The following GRIA1 variants were observed in gnomAD, a reference collection of about 807,000 sequenced individuals.
GRIA1 encodes glutamate ionotropic receptor AMPA type subunit 1, also known as glutamate receptor 1.
In GRIA1, 31 loss-of-function variants were observed where a neutral mutation model predicts 99.2. That is an observed-to-expected ratio of 0.31 (90% CI 0.23 to 0.42). GRIA1 has a LOEUF of 0.42. Ranked by LOEUF, GRIA1 falls within the 10% of genes least tolerant of loss-of-function variation. The probability of loss-of-function intolerance (pLI) is 1.00; values close to 1 mark genes in which losing one functional copy is unlikely to be tolerated. For synonymous variants in GRIA1, 438 were observed against 432.4 expected, an observed-to-expected ratio of 1.01 and a Z score of -0.16; for missense variants, 782 against 1,157.5, an observed-to-expected ratio of 0.68 and a Z score of 4.71.
intron 2 of GRIA1, among the ~76,000 whole-genome samples, chr5:153,494,546 A>G (rs1277901399): frequency 6.6e-6 from 1 of 152,208 alleles, no homozygotes; most frequent in African/African-American, 2.4e-5. Flanking sequence ...TTCGGAAGTG[A>G]CCAATAATTA....
At chr5:153,613,299 A>G (rs1238634310) in intron 2 of GRIA1, among the ~76,000 whole-genome samples, 1 of 152,180 alleles carries the variant, frequency 6.6e-6, no homozygotes, top group Non-Finnish European at 1.5e-5. Context: ...TTTTATATCC[A>G]GTAATCATGC....
intron 13 of GRIA1, among the ~76,000 whole-genome samples, chr5:153,776,289 C>A (rs1764248660): frequency 6.6e-6 from 1 of 152,156 alleles, no homozygotes; most frequent in Non-Finnish European, 1.5e-5. Context: ...CACTTTAAAG[C>A]TGGGAGGTTT....
intron 4 of GRIA1, among the ~76,000 whole-genome samples, chr5:153,653,937 G>A (rs1754753938): frequency 6.6e-6 from 1 of 152,210 alleles, no homozygotes; most frequent in Non-Finnish European, 1.5e-5. Context: ...CACAAATATT[G>A]TGAATGAAGG....
Position 153,640,153 on chromosome 5 carries a change from A to G in GRIA1, c.221-6775A>G, listed in dbSNP as rs189259287. Among the ~76,000 whole-genome samples, 60 of 152,356 alleles carry G rather than the reference A, an allele frequency of 3.9e-4. 1 individual carries two copies. The highest frequency in any genetic ancestry group is 2.1e-3 in the South Asian group (10 of 4,822). On this transcript the variant is annotated intron_variant, in intron 2 of 15. Transcript: ENST00000285900. Reference sequence around the variant, plus strand: ...TCTAAATTCCAGGACCAGTGAGCCCAGCCCTGTTCTAATTCTTAGCCTCGT... The same window carrying G: ...TCTAAATTCCAGGACCAGTGAGCCCGGCCCTGTTCTAATTCTTAGCCTCGT...
chr5:153,540,297 T>G (rs1378641346), intron 2 of GRIA1, among the ~76,000 whole-genome samples: 1 of 152,236 alleles, frequency 6.6e-6, no homozygotes, highest in Non-Finnish European at 1.5e-5. Flanking sequence ...CTTCTATGAA[T>G]GCTAAGTGGG....
At chr5:153,516,334 C>T (rs2113344408) in intron 2 of GRIA1, among the ~76,000 whole-genome samples, 1 of 151,612 alleles carries the variant, frequency 6.6e-6, no homozygotes, top group Middle Eastern at 3.4e-3. Flanking sequence ...AGTTGCCAGA[C>T]CCATGCTTGG....
At chr5:153,616,107 T>C (rs1013589121) in intron 2 of GRIA1, among the ~76,000 whole-genome samples, 4 of 152,160 alleles carry the variant, frequency 2.6e-5, no homozygotes, top group Non-Finnish European at 5.9e-5. Context: ...CCTGCCACAG[T>C]CCTGTCATTC....
At chr5:153,808,327 C>A (rs544728730) in intron 15 of GRIA1, among the ~76,000 whole-genome samples, 1 of 152,040 alleles carries the variant, frequency 6.6e-6, no homozygotes, top group African/African-American at 2.4e-5. Flanking sequence ...AAGGGAAAGC[C>A]ACATTCCCAA....
chr5:153,678,815 G>A (rs578174381), intron 7 of GRIA1, among the ~76,000 whole-genome samples: 3 of 152,310 alleles, frequency 2.0e-5, no homozygotes, highest in East Asian at 1.9e-4. Flanking sequence ...TGGGAGGCAG[G>A]AGAGCTGGAC....
intron 5 of GRIA1, 57 bp downstream of exon 5, chr5:153,655,929 C>A (rs1478532015): frequency 6.9e-6 from 10 of 1,458,114 alleles, no homozygotes; most frequent in Non-Finnish European, 9.6e-6. Context: ...GGGGCCCTAC[C>A]TTGCTTCTGT....
At chr5:153,689,090 A>T (rs901018461) in intron 8 of GRIA1, among the ~76,000 whole-genome samples, 4 of 151,162 alleles carry the variant, frequency 2.6e-5, no homozygotes, top group African/African-American at 7.3e-5. Context: ...GTGCAGTGGT[A>T]CTATCATAGC....
chr5:153,735,818 C>A (rs1761341378), intron 11 of GRIA1, among the ~76,000 whole-genome samples: 1 of 152,106 alleles, frequency 6.6e-6, no homozygotes, highest in Non-Finnish European at 1.5e-5. Context: ...TGTTTTAGGT[C>A]TCAGTAATGC....
At chr5:153,618,964 A>T (rs1176897086) in intron 2 of GRIA1, among the ~76,000 whole-genome samples, 1 of 152,226 alleles carries the variant, frequency 6.6e-6, no homozygotes, top group East Asian at 1.9e-4. Context: ...CTACTTTCTC[A>T]AAGATCCCAT....
intron 5 of GRIA1, among the ~76,000 whole-genome samples, chr5:153,656,383 T>TTATACATATATATA (rs1754953418): frequency 1.1e-5 from 1 of 92,680 alleles, no homozygotes; most frequent in Non-Finnish European, 2.3e-5. Flanking sequence ...ATAAGTTTGT[T>TTATACATATATATA]TATATATATA....
intron 2 of GRIA1, among the ~76,000 whole-genome samples, chr5:153,646,177 T>C (rs989026517): frequency 4.6e-5 from 7 of 152,196 alleles, no homozygotes; most frequent in African/African-American, 1.7e-4. Context: ...TGTGGGTATG[T>C]TCTCACAGCT....
intron 2 of GRIA1, among the ~76,000 whole-genome samples, chr5:153,622,616 G>A (rs1165587037): frequency 6.6e-6 from 1 of 152,184 alleles, no homozygotes; most frequent in South Asian, 2.1e-4. Flanking sequence ...CTCCATAGCA[G>A]GCTTTCTTCT....
chr5:153,723,535 C>T (rs1017999416), intron 11 of GRIA1, among the ~76,000 whole-genome samples: 7 of 152,200 alleles, frequency 4.6e-5, no homozygotes, highest in Non-Finnish European at 7.4e-5. Flanking sequence ...AGGTCACTCC[C>T]GCCCTAATAC....
chr5:153,701,492 T>C (rs1287705451), intron 10 of GRIA1, among the ~76,000 whole-genome samples: 1 of 151,592 alleles, frequency 6.6e-6, no homozygotes, highest in Non-Finnish European at 1.5e-5. Flanking sequence ...TGGGCGCCTG[T>C]AGTCCTAGGA....
intron 2 of GRIA1, among the ~76,000 whole-genome samples, chr5:153,517,364 T>C (rs1341227213): frequency 6.6e-6 from 1 of 152,172 alleles, no homozygotes; most frequent in Admixed American, 6.5e-5. Context: ...TGCTTCTTCC[T>C]GTTTTGTGGG....
Sources: allele counts gnomAD v4.1 joint callset (sites outside exome capture counted in the v4.1 genomes callset), GRCh38; gene constraint gnomAD v4.1.1; transcripts MANE v1.5; gene names NCBI Gene and HGNC (gene_info 2026-07-23, HGNC 2026-07-21).